ZNF776: variants seen among roughly 807,000 people sequenced by gnomAD.
The protein encoded by ZNF776 is zinc finger protein 776.
Under a neutral mutation model 7.0 loss-of-function variants are expected in ZNF776, and 4 were observed. The observed-to-expected ratio is 0.57, with a 90% CI of 0.28 to 1.31. The LOEUF (loss-of-function observed/expected upper bound fraction) is 1.31. Ranked by LOEUF, ZNF776 falls within the 50% of genes most tolerant of loss-of-function variation. The pLI is 0.10. For missense variants in ZNF776, 555 were observed against 625.9 expected (o/e 0.89, Z 1.21); for synonymous variants, 212 against 213.7 (o/e 0.99, Z 0.07).
intron 1 of ZNF776, 50 bp from the exon 2 acceptor site, chr19:57,750,735 T>C: frequency 6.4e-7 from 1 of 1,570,908 alleles, no homozygotes; most frequent in Non-Finnish European, 8.6e-7. Flanking sequence ...GGTGGATAAG[T>C]GGATGAGCAT....
chr19:57,757,372 A>G lies in ZNF776; in HGVS notation c.*2685A>G, dbSNP rs951330821. 1 of 152,254 alleles carries G rather than the reference A, an allele frequency of 6.6e-6. No individual in the cohort carries two copies. Among genetic ancestry groups the G allele is most frequent in the Non-Finnish European group, 1.5e-5 (1 of 68,128 alleles). The allele number at this position is 152,254 out of a possible 1,614,324, so 9.4% of individuals were successfully genotyped here. A position where few individuals can be genotyped will look rare whatever the true frequency, so the allele number is the denominator to read the frequency against. Reference sequence around the variant, plus strand: ...TTTCTGTAGCCTATCTGGGCTGCATACCAAAAAGCCATCCCTGAATTAGTA... The same window carrying G: ...TTTCTGTAGCCTATCTGGGCTGCATGCCAAAAAGCCATCCCTGAATTAGTA... On this transcript the variant is annotated 3_prime_UTR_variant, in exon 3 of 3. Transcript: ENST00000317178.
chr19:57,753,750 A>G lies in ZNF776; in HGVS notation c.620A>G (p.His207Arg), dbSNP rs373366358. 1.9e-6 allele frequency: 3 copies of G among 1,614,112 alleles called. No individual in the cohort carries two copies. The highest frequency in any genetic ancestry group is 2.2e-5 in the East Asian group (1 of 44,902). Reference sequence around the variant, plus strand: ...ATACCCCTTCAGGGTGGAAAAACTCATTACATCTGTGGAGAGTCCACAATA... The same window carrying G: ...ATACCCCTTCAGGGTGGAAAAACTCGTTACATCTGTGGAGAGTCCACAATA... ...HGIPLQGGKT[H>R]YICGESTIPF... The change falls in exon 3 of 3, where the codon CAT (histidine) becomes CGT (arginine). Residue 207 changes from histidine (H) to arginine (R), a missense_variant. Coordinates refer to ENST00000317178, the MANE Select transcript of ZNF776 (RefSeq NM_173632.4).
rs1451624944 is a variant in ZNF776 at position 57,746,976 on chromosome 19, C to A, written c.-83C>A. ...TAAAGGCGCTAGGCGTGACCCGCAC[C>A]AAGGCCGGGATCGGGACCACCGTGC... On this transcript the variant is annotated 5_prime_UTR_variant, in exon 1 of 3. Coordinates refer to ENST00000317178, the MANE Select transcript of ZNF776 (RefSeq NM_173632.4). 2.2e-5 allele frequency: 31 copies of A among 1,414,864 alleles called. No homozygotes were observed. The highest frequency in any genetic ancestry group is 2.9e-5 in the Non-Finnish European group (30 of 1,045,858). 87.6% of individuals were successfully genotyped at this position (1,414,864 alleles called of 1,614,324 possible). A position where few individuals can be genotyped will look rare whatever the true frequency, so the allele number is the denominator to read the frequency against.
In ZNF776 at chr19:57,746,953, A is replaced by C; in HGVS notation, c.-106A>C. On this transcript the variant is annotated 5_prime_UTR_variant, in exon 1 of 3. Transcript: ENST00000317178. ...ACAGAGGCTGCTCTGCAGCTCCTTA[A>C]AGGCGCTAGGCGTGACCCGCACCAA... The C allele has an allele frequency of 8.2e-7, 1 of 1,220,808 alleles. No homozygotes were observed. Among genetic ancestry groups the C allele is most frequent in the Non-Finnish European group, 1.1e-6 (1 of 884,016 alleles). 75.6% of individuals were successfully genotyped at this position (1,220,808 alleles called of 1,614,324 possible).
intron 1 of ZNF776, among the ~76,000 whole-genome samples, chr19:57,749,855 T>C (rs1319306420): frequency 1.3e-5 from 2 of 152,232 alleles, no homozygotes; most frequent in Non-Finnish European, 2.9e-5. Context: ...TGCACTCTTA[T>C]CCATAGTGCA....
At chr19:57,752,473 A>C (rs1054037799) in intron 2 of ZNF776, among the ~76,000 whole-genome samples, 8 of 152,124 alleles carry the variant, frequency 5.3e-5, no homozygotes, top group Non-Finnish European at 1.0e-4. Flanking sequence ...GAGAGTTCTC[A>C]GTGATCCAGA....
intron 1 of ZNF776, among the ~76,000 whole-genome samples, chr19:57,748,873 G>T (rs1296812081): frequency 6.6e-6 from 1 of 151,998 alleles, no homozygotes; most frequent in African/African-American, 2.4e-5. Flanking sequence ...GTAGTGTGTG[G>T]GGGGTTTCAT....
At position 57,746,854 on chromosome 19, in the gene ZNF776, A is replaced by G; in HGVS notation, c.-205A>G. 1 of 461,884 alleles carries G rather than the reference A, an allele frequency of 2.2e-6. No individual in the cohort carries two copies. Among genetic ancestry groups the G allele is most frequent in the Non-Finnish European group, 3.9e-6 (1 of 257,444 alleles). 28.6% of individuals were successfully genotyped at this position (461,884 alleles called of 1,614,324 possible). A position where few individuals can be genotyped will look rare whatever the true frequency, so the allele number is the denominator to read the frequency against. ...TTGGTGTTGGGTGTATTTTCCAGTG[A>G]GAGACCGCGGAGTGTTGGGTCGTGT... On this transcript the variant is annotated 5_prime_UTR_variant, in exon 1 of 3. Transcript: ENST00000317178.
chr19:57,748,997 G>T (rs1018896860), intron 1 of ZNF776, among the ~76,000 whole-genome samples: 1 of 151,002 alleles, frequency 6.6e-6, no homozygotes, highest in Non-Finnish European at 1.5e-5. Context: ...GTCTCACTCT[G>T]TCGCCCAGGC....
intron 2 of ZNF776, among the ~76,000 whole-genome samples, chr19:57,752,350 T>C (rs1986633943): frequency 6.6e-6 from 1 of 152,206 alleles, no homozygotes; most frequent in South Asian, 2.1e-4. Context: ...TGGGCTATCA[T>C]GTGCTGATTT....
At position 57,753,362 on chromosome 19, in the gene ZNF776, A is replaced by G; in HGVS notation, c.232A>G (p.Arg78Gly). Residue 78 changes from arginine to glycine, a missense_variant, in exon 3 of 3, where the codon AGG becomes GGG. Transcript: ENST00000317178. The part of the protein sequence containing the change: ...TLSIQQESPL[R>G]THWTGVCTKK... ...TTCTATACAACAGGAGTCCCCACTC[A>G]GGACACATTGGACAGGTGTATGTAC... The G allele has an allele frequency of 6.2e-7, 1 of 1,614,274 alleles. No homozygotes were observed. Among genetic ancestry groups the G allele is most frequent in the Middle Eastern group, 1.6e-4 (1 of 6,062 alleles).
In ZNF776 at chr19:57,756,908, A is replaced by G. The variant is rs1181513146; in HGVS notation, c.*2221A>G. The G allele has an allele frequency of 4.4e-6, 2 of 454,676 alleles. No homozygotes were observed. The highest frequency in any genetic ancestry group is 1.4e-4 in the East Asian group (2 of 14,322). The allele number at this position is 454,676 out of a possible 1,614,324, so 28.2% of individuals were successfully genotyped here. Reference sequence around the variant, plus strand: ...CACTCTGAAACTCAGGCTGGAATACACTGGCATGGTCATACCTCACTGCGG... The same window carrying G: ...CACTCTGAAACTCAGGCTGGAATACGCTGGCATGGTCATACCTCACTGCGG... On this transcript the variant is annotated 3_prime_UTR_variant, in exon 3 of 3. Coordinates refer to ENST00000317178, the MANE Select transcript of ZNF776 (RefSeq NM_173632.4).
Position 57,756,641 on chromosome 19 carries a change from A to C in ZNF776, c.*1954A>C, listed in dbSNP as rs1450031586. 5.5e-6 allele frequency: 1 copy of C among 181,570 alleles called. No individual in the cohort carries two copies. The highest frequency in any genetic ancestry group is 2.4e-5 in the African/African-American group (1 of 41,844). The allele number at this position is 181,570 out of a possible 1,614,324, so 11.2% of individuals were successfully genotyped here. A position where few individuals can be genotyped will look rare whatever the true frequency, so the allele number is the denominator to read the frequency against. On this transcript the variant is annotated 3_prime_UTR_variant, in exon 3 of 3. Transcript: ENST00000317178. ...CAATAATATGTGTTTTCATAAATCA[A>C]CCTGAGTAGGGGACAGTTTTAGTGA...
Position 57,756,264 on chromosome 19 carries a change from AT to A in ZNF776, c.*1581del, listed in dbSNP as rs938221635. Reference sequence around the variant, plus strand: ...TGATTGTCATGATTCTTAAAATGGAATTTTCCAGCCTCTTAACTCACCAACC... The same window carrying A: ...TGATTGTCATGATTCTTAAAATGGAATTTCCAGCCTCTTAACTCACCAACC... On this transcript the variant is annotated 3_prime_UTR_variant, in exon 3 of 3. Transcript: ENST00000317178. The A allele has an allele frequency of 3.6e-5, 3 of 84,250 alleles. No homozygotes were observed. The highest frequency in any genetic ancestry group is 6.3e-5 in the Non-Finnish European group (3 of 47,330). The allele number at this position is 84,250 out of a possible 1,614,324, so 5.2% of individuals were successfully genotyped here.
In ZNF776 at chr19:57,754,065, G is replaced by A. The variant is rs986178614; in HGVS notation, c.935G>A (p.Arg312Gln). The change falls in exon 3 of 3, where the codon CGA becomes CAA. Residue 312 changes from arginine (R) to glutamine (Q), a missense_variant. Arg to Gln is a conservative substitution (Grantham distance 43). Transcript: ENST00000317178. ...SHKHSLVDHQ[R>Q]VHTGERPYEC... ...AAGCACAGTCTTGTTGACCATCAGCGAGTTCACACTGGAGAAAGACCTTAT... is the reference window on the plus strand; with the variant it reads ...AAGCACAGTCTTGTTGACCATCAGCAAGTTCACACTGGAGAAAGACCTTAT... 3 of 1,613,892 alleles carry A rather than the reference G, an allele frequency of 1.9e-6. 1 individual carries two copies. The highest frequency in any genetic ancestry group is 3.3e-5 in the Admixed American group (2 of 59,972).
intron 1 of ZNF776, chr19:57,749,474 G>A (rs1219476714): frequency 1.3e-5 from 2 of 152,216 alleles, no homozygotes; most frequent in Non-Finnish European, 2.9e-5. Flanking sequence ...TGGTCATTTT[G>A]TGTTATTATT....
intron 1 of ZNF776, among the ~76,000 whole-genome samples, chr19:57,747,445 AG>A (rs1424365067): frequency 4.6e-5 from 7 of 152,180 alleles, no homozygotes; most frequent in African/African-American, 1.7e-4. Context: ...CTTCCAACAA[AG>A]GAAGGAAAAG....
chr19:57,746,935 C>A lies in ZNF776; in HGVS notation c.-124C>A. 1.0e-6 allele frequency: 1 copy of A among 968,120 alleles called. No individual in the cohort carries two copies. The highest frequency in any genetic ancestry group is 1.5e-6 in the Non-Finnish European group (1 of 662,146). The allele number at this position is 968,120 out of a possible 1,614,324, so 60.0% of individuals were successfully genotyped here. The stretch of plus-strand genomic sequence containing the variant: ...AGACGTTGTCCCGACTGCACAGAGG[C>A]TGCTCTGCAGCTCCTTAAAGGCGCT... On this transcript the variant is annotated 5_prime_UTR_variant, in exon 1 of 3. It adds an upstream start codon to the 5' untranslated region. Coordinates refer to ENST00000317178, the MANE Select transcript of ZNF776 (RefSeq NM_173632.4).
At chr19:57,752,851 G>T (rs1463903610) in intron 2 of ZNF776, among the ~76,000 whole-genome samples, 1 of 152,142 alleles carries the variant, frequency 6.6e-6, no homozygotes, top group Non-Finnish European at 1.5e-5. Context: ...AGCCATACCT[G>T]ACCAACAGCT....
Sources: allele counts gnomAD v4.1 joint callset (sites outside exome capture counted in the v4.1 genomes callset), GRCh38; gene constraint gnomAD v4.1.1; transcripts MANE v1.5; gene names NCBI Gene and HGNC (gene_info 2026-07-23, HGNC 2026-07-21).